Variants in PDE4B observed in about 807,000 individuals in gnomAD.
PDE4B encodes 3',5'-cyclic-AMP phosphodiesterase 4B.
PDE4B carries 20 observed loss-of-function variants against 82.2 expected under a neutral mutation model. The observed-to-expected ratio is 0.24, with a 90% confidence interval of 0.17 to 0.35. The LOEUF is 0.35. Among genes scored for constraint, PDE4B ranks in the 10% least tolerant of loss-of-function variants. The pLI is 1.00. For missense variants in PDE4B, 655 were observed against 907.2 expected, an observed-to-expected ratio of 0.72 and a Z score of 3.57; for synonymous variants, 320 against 318.9, an observed-to-expected ratio of 1.00 and a Z score of -0.04.
chr1:66,361,540 T>A, intron 9 of PDE4B, 75 bp from the exon 10 acceptor site: 1 of 1,126,698 alleles, frequency 8.9e-7, no homozygotes, highest in South Asian at 1.5e-5. Flanking sequence ...TATAGATGGT[T>A]AGAGTTGTTT....
At chr1:65,984,369 G>A (rs569912616) in intron 3 of PDE4B, among the ~76,000 whole-genome samples, 13 of 152,270 alleles carry the variant, frequency 8.5e-5, no homozygotes, top group African/African-American at 3.1e-4. Context: ...AAAGTTTTCT[G>A]AGGGTGACAC....
chr1:65,970,697 A>G (rs558249318), intron 3 of PDE4B, among the ~76,000 whole-genome samples: 38 of 152,218 alleles, frequency 2.5e-4, no homozygotes, highest in African/African-American at 9.1e-4. Flanking sequence ...CATCAGTGAG[A>G]TCTTCCAAGA....
intron 7 of PDE4B, among the ~76,000 whole-genome samples, chr1:66,269,947 T>C (rs1655343586): frequency 6.6e-6 from 1 of 152,202 alleles, no homozygotes; most frequent in African/African-American, 2.4e-5. Flanking sequence ...TGCTCTCTAC[T>C]AAATTTCTTT....
chr1:66,177,482 T>G (rs1269720090), intron 3 of PDE4B, among the ~76,000 whole-genome samples: 1 of 152,234 alleles, frequency 6.6e-6, no homozygotes, highest in Non-Finnish European at 1.5e-5. Context: ...AAATAACATC[T>G]GACAAGCGTT....
chr1:65,814,534 A>G (rs140460511), intron 1 of PDE4B, among the ~76,000 whole-genome samples: 323 of 152,330 alleles, frequency 2.1e-3, no homozygotes, highest in African/African-American at 6.7e-3. Context: ...AATGTGTTCA[A>G]TTATGAAAAC....
intron 3 of PDE4B, among the ~76,000 whole-genome samples, chr1:66,075,874 G>A (rs1283458423): frequency 4.0e-5 from 6 of 149,672 alleles, no homozygotes; most frequent in Non-Finnish European, 7.4e-5. Context: ...TTTAATGCCG[G>A]CAACTCATTC....
At chr1:66,139,757 A>AAAAAC (rs1557589124) in intron 3 of PDE4B, among the ~76,000 whole-genome samples, 2 of 151,586 alleles carry the variant, frequency 1.3e-5, no homozygotes, top group African/African-American at 4.9e-5. Context: ...AAAAAACAAA[A>AAAAAC]AACAACAACC....
intron 1 of PDE4B, among the ~76,000 whole-genome samples, chr1:65,883,980 A>C (rs1201539329): frequency 6.6e-6 from 1 of 152,120 alleles, no homozygotes; most frequent in East Asian, 1.9e-4. Context: ...CGTGTGTTGA[A>C]CCAGCCTTGC....
rs530628533 is a variant in PDE4B at position 66,192,581 on chromosome 1, G to A, written c.282-54879G>A. ...CATATTTATACCCATTACCCCTAGC[G>A]GAGTCTCAGTCACCTGTGAGGTTCT... is the stretch of plus-strand genomic sequence containing the variant. On this transcript the variant is annotated intron_variant, in intron 3 of 16. Coordinates refer to ENST00000341517, the MANE Select transcript of PDE4B (RefSeq NM_002600.4). Among the ~76,000 whole-genome samples, 10 of 152,056 alleles carry A rather than the reference G, an allele frequency of 6.6e-5. No homozygotes were observed. The South Asian group carries it at 1.9e-3, about 28-fold the overall frequency.
intron 8 of PDE4B, among the ~76,000 whole-genome samples, chr1:66,339,677 GA>G (rs1364321924): frequency 6.6e-6 from 1 of 152,018 alleles, no homozygotes; most frequent in Non-Finnish European, 1.5e-5. Flanking sequence ...CCACATTGGG[GA>G]AAAAATAATA....
intron 3 of PDE4B, among the ~76,000 whole-genome samples, chr1:66,215,032 A>G (rs1200070111): frequency 5.4e-5 from 8 of 148,442 alleles, no homozygotes; most frequent in Admixed American, 5.3e-4. Context: ...GACTCTAGAA[A>G]TAGGCAGTAG....
chr1:65,803,097 T>G (rs1376211410), intron 1 of PDE4B, among the ~76,000 whole-genome samples: 1 of 152,196 alleles, frequency 6.6e-6, no homozygotes, highest in African/African-American at 2.4e-5. Flanking sequence ...TGGCTTAATC[T>G]CAGCATTTCT....
At chr1:65,991,648 T>C (rs76109011) in intron 3 of PDE4B, among the ~76,000 whole-genome samples, 1,560 of 152,332 alleles carry the variant, frequency 0.01, 25 homozygotes, top group African/African-American at 0.035. Flanking sequence ...TTTTAAAGTA[T>C]AGAAGCTGTA....
intron 3 of PDE4B, among the ~76,000 whole-genome samples, chr1:66,129,305 G>A (rs1480641986): frequency 2.0e-5 from 3 of 152,166 alleles, no homozygotes; most frequent in Non-Finnish European, 4.4e-5. Context: ...TAGCATAATA[G>A]TCAAAATTAG....
intron 3 of PDE4B, among the ~76,000 whole-genome samples, chr1:66,222,224 C>A (rs1280181332): frequency 1.3e-5 from 2 of 152,202 alleles, no homozygotes; most frequent in Non-Finnish European, 2.9e-5. Flanking sequence ...TGTACGTGGT[C>A]TTCCTAAAAC....
intron 3 of PDE4B, among the ~76,000 whole-genome samples, chr1:65,966,072 A>G (rs1649809639): frequency 6.6e-6 from 1 of 152,186 alleles, no homozygotes; most frequent in South Asian, 2.1e-4. Context: ...AGAAAGAAAT[A>G]AAGGGTATTC....
chr1:65,797,109 C>G (rs551776863), intron 1 of PDE4B, among the ~76,000 whole-genome samples: 1 of 151,888 alleles, frequency 6.6e-6, no homozygotes, highest in Non-Finnish European at 1.5e-5. Flanking sequence ...CCCGCCACCA[C>G]GCCTGGCTAA....
intron 8 of PDE4B, among the ~76,000 whole-genome samples, chr1:66,341,776 G>A (rs1388544986): frequency 1.3e-5 from 2 of 152,174 alleles, no homozygotes; most frequent in Non-Finnish European, 2.9e-5. Context: ...CCACTTTGCA[G>A]AGCTGTTAGC....
chr1:66,332,469 C>T (rs745477395), intron 7 of PDE4B, 39 bp from the exon 8 acceptor site: 6 of 1,614,002 alleles, frequency 3.7e-6, no homozygotes, highest in South Asian at 1.1e-5. Flanking sequence ...AGCCTGCAGC[C>T]GCTCCAGCCT....
Sources: gnomAD v4.1 joint callset for allele counts (sites outside exome capture counted in the v4.1 genomes callset) on GRCh38, gnomAD v4.1.1 for gene constraint, MANE v1.5 for transcripts, NCBI Gene and HGNC (gene_info 2026-07-23, HGNC 2026-07-21) for gene names.